Variants in CDH11 observed in about 807,000 individuals in gnomAD.
The protein encoded by CDH11 is cadherin-11.
In CDH11, 11 loss-of-function variants were observed where a neutral mutation model predicts 67.8. That is an observed-to-expected ratio of 0.16 (90% CI 0.10 to 0.27). The LOEUF is 0.27. Among genes scored for constraint, CDH11 ranks in the 10% least tolerant of loss-of-function variants. The pLI is 1.00. For synonymous variants in CDH11, 419 were observed against 400.0 expected (o/e 1.05, Z -0.57); for missense variants, 847 against 1,031.2 (o/e 0.82, Z 2.45).
chr16:65,055,655 T>C (rs534904479), intron 1 of CDH11, among the ~76,000 whole-genome samples: 1 of 152,208 alleles, frequency 6.6e-6, no homozygotes, highest in Non-Finnish European at 1.5e-5. Flanking sequence ...GTTTCACCCA[T>C]ACTTATTTAG....
intron 8 of CDH11, among the ~76,000 whole-genome samples, chr16:64,974,847 A>G (rs1198479775): frequency 6.6e-6 from 1 of 152,210 alleles, no homozygotes; most frequent in East Asian, 1.9e-4. Context: ...GTATTATTCC[A>G]CAGAAATGAA....
At position 65,004,674 on chromosome 16, in the gene CDH11, A is replaced by G; in HGVS notation, c.196T>C (p.Tyr66His). 6.2e-7 allele frequency: 1 copy of G among 1,613,416 alleles called. No individual in the cohort carries two copies. The highest frequency in any genetic ancestry group is 8.5e-7 in the Non-Finnish European group (1 of 1,179,892). The change falls in exon 3 of 13, where the codon TAC becomes CAC. Residue 66 changes from tyrosine to histidine, a missense_variant. Transcript: ENST00000268603. ...VWNQFFVIEEYTGPDPVLVGR... is the reference protein window; with the variant it reads ...VWNQFFVIEEHTGPDPVLVGR... ...ACAAGCACGGGGTCAGGCCCGGTGT[A>G]CTCCTCTATCACGAAGAACTGGTTC...
intron 2 of CDH11, among the ~76,000 whole-genome samples, chr16:65,044,715 T>C (rs2073925526): frequency 6.6e-6 from 1 of 151,812 alleles, no homozygotes; most frequent in Admixed American, 6.6e-5. Flanking sequence ...AGCAGCACAA[T>C]ATGGACAGAG....
At chr16:65,007,003 G>A (rs1456684988) in intron 2 of CDH11, 1 of 152,200 alleles carries the variant, frequency 6.6e-6, no homozygotes, top group African/African-American at 2.4e-5. Flanking sequence ...GGGTACCCAT[G>A]CCTTGAACAT....
intron 1 of CDH11, among the ~76,000 whole-genome samples, chr16:65,064,630 CT>C (rs1246978350): frequency 1.3e-5 from 2 of 152,114 alleles, no homozygotes; most frequent in East Asian, 1.9e-4. Flanking sequence ...CTAAACAAAC[CT>C]TTTTTTAACA....
chr16:65,022,155 C>T (rs940947759), intron 2 of CDH11, among the ~76,000 whole-genome samples: 3 of 151,646 alleles, frequency 2.0e-5, no homozygotes, highest in African/African-American at 7.3e-5. Flanking sequence ...GGAAAAGGGA[C>T]AGATATAAAT....
chr16:65,123,161 G>C (rs1237534112), upstream of CDH11, among the ~76,000 whole-genome samples: 2 of 152,214 alleles, frequency 1.3e-5, no homozygotes, highest in African/African-American at 4.8e-5. Context: ...CGCGGTACCG[G>C]GAACGGCGTG....
At chr16:65,070,917 A>G (rs2074404066) in intron 1 of CDH11, among the ~76,000 whole-genome samples, 1 of 152,198 alleles carries the variant, frequency 6.6e-6, no homozygotes, top group Admixed American at 6.5e-5. Context: ...GGAGACGCTG[A>G]AAAAAACCAA....
At chr16:65,094,115 T>C (rs1043513246) in intron 1 of CDH11, among the ~76,000 whole-genome samples, 9 of 152,072 alleles carry the variant, frequency 5.9e-5, no homozygotes, top group African/African-American at 1.9e-4. Flanking sequence ...ATACCAGCAA[T>C]GCACTAAGAT....
intron 4 of CDH11, 115 bp from the exon 5 acceptor site, chr16:64,993,149 A>G (rs913462481): frequency 4.9e-6 from 4 of 821,322 alleles, no homozygotes; most frequent in Non-Finnish European, 7.9e-6. Context: ...ATTATTCAAC[A>G]TTCTCTCATT....
intron 1 of CDH11, among the ~76,000 whole-genome samples, chr16:65,112,657 T>C (rs889953916): frequency 6.6e-6 from 1 of 152,156 alleles, no homozygotes; most frequent in African/African-American, 2.4e-5. Flanking sequence ...GTGTCCTCTA[T>C]AGGCTTGGCA....
intron 1 of CDH11, among the ~76,000 whole-genome samples, chr16:65,076,332 T>G (rs2074508806): frequency 6.6e-6 from 1 of 152,146 alleles, no homozygotes; most frequent in African/African-American, 2.4e-5. Context: ...TACAGGGTGA[T>G]GCCGACAAAC....
At position 64,987,944 on chromosome 16, in the gene CDH11, A is replaced by G; in HGVS notation, c.999+213T>C. Reference sequence around the variant, plus strand: ...TAAGAACTAACTAGCAATCTCAGGCAGGTATCACCAGCCCCTTTGTCAGCT... The same window carrying G: ...TAAGAACTAACTAGCAATCTCAGGCGGGTATCACCAGCCCCTTTGTCAGCT... On this transcript the variant is annotated intron_variant, in intron 7 of 12. Transcript: ENST00000268603. The G allele has an allele frequency of 9.5e-6, 4 of 422,500 alleles. No homozygotes were observed. The East Asian group carries it at 1.4e-4, about 15-fold the overall frequency. The allele number at this position is 422,500 out of a possible 1,614,324, so 26.2% of individuals were successfully genotyped here.
intron 2 of CDH11, among the ~76,000 whole-genome samples, chr16:65,050,569 C>T (rs552726862): frequency 5.9e-5 from 9 of 152,230 alleles, no homozygotes; most frequent in African/African-American, 1.2e-4. Context: ...CCTTACAGTG[C>T]GATCAAGAAC....
chr16:65,004,969 A>G lies in CDH11; in HGVS notation c.-100T>C. On this transcript the variant is annotated 5_prime_UTR_variant, in exon 3 of 13. Transcript: ENST00000268603. The stretch of plus-strand genomic sequence containing the variant: ...GTGGCCTCCCGGACGCGTCACGCAG[A>G]CCTCTCTTGGGATGGAATGTCTCTG... 1 of 1,429,482 alleles carries G rather than the reference A, an allele frequency of 7.0e-7. No homozygotes were observed. The highest frequency in any genetic ancestry group is 1.5e-5 in the South Asian group (1 of 65,826). The allele number at this position is 1,429,482 out of a possible 1,614,324, so 88.5% of individuals were successfully genotyped here. A position where few individuals can be genotyped will look rare whatever the true frequency, so the allele number is the denominator to read the frequency against.
At position 64,944,478 on chromosome 16, in the gene CDH11, T is replaced by G. The variant is rs2071161066; in HGVS notation, c.*3125A>C. On this transcript the variant is annotated 3_prime_UTR_variant, in exon 13 of 13. Transcript: ENST00000268603. Reference sequence around the variant, plus strand: ...TCTGTCCTCCACACTGCCTGCCAAATAAATTTTGCCCCTCTTCTGCTCAGA... The same window carrying G: ...TCTGTCCTCCACACTGCCTGCCAAAGAAATTTTGCCCCTCTTCTGCTCAGA... 4.3e-6 allele frequency: 1 copy of G among 232,994 alleles called. No homozygotes were observed. The highest frequency in any genetic ancestry group is 1.8e-4 in the South Asian group (1 of 5,520). 14.4% of individuals were successfully genotyped at this position (232,994 alleles called of 1,614,324 possible).
intron 6 of CDH11, among the ~76,000 whole-genome samples, chr16:64,989,422 G>C (rs546863384): frequency 6.6e-6 from 1 of 152,174 alleles, no homozygotes; most frequent in South Asian, 2.1e-4. Flanking sequence ...TTGGTTTTGC[G>C]TAGTGTGGTA....
intron 1 of CDH11, among the ~76,000 whole-genome samples, chr16:65,110,683 T>C (rs964872944): frequency 3.4e-5 from 5 of 148,618 alleles, no homozygotes; most frequent in African/African-American, 9.9e-5. Flanking sequence ...TGTAAGATAC[T>C]GAATCCAAAT....
Position 64,947,082 on chromosome 16 carries a change from C to A in CDH11, c.*521G>T. On this transcript the variant is annotated 3_prime_UTR_variant, in exon 13 of 13. Coordinates refer to ENST00000268603, the MANE Select transcript of CDH11 (RefSeq NM_001797.4). The stretch of plus-strand genomic sequence containing the variant: ...AGAATCAGCAGTAACAAGATTGATG[C>A]TCAAGAGACATAATTGTACATTGTA... The A allele has an allele frequency of 2.9e-6, 3 of 1,033,516 alleles. No homozygotes were observed. The highest frequency in any genetic ancestry group is 3.5e-6 in the Non-Finnish European group (3 of 858,572). 64.0% of individuals were successfully genotyped at this position (1,033,516 alleles called of 1,614,324 possible). A position where few individuals can be genotyped will look rare whatever the true frequency, so the allele number is the denominator to read the frequency against.
Sources: allele counts gnomAD v4.1 joint callset (sites outside exome capture counted in the v4.1 genomes callset), GRCh38; gene constraint gnomAD v4.1.1; transcripts MANE v1.5; gene names NCBI Gene and HGNC (gene_info 2026-07-23, HGNC 2026-07-21).